Variants in SMG1 observed in about 807,000 individuals in gnomAD.
The protein encoded by SMG1 is SMG1 nonsense mediated mRNA decay associated PI3K related kinase.
A neutral mutation model predicts 419.9 loss-of-function variants in SMG1; 22 were observed. The observed-to-expected ratio is 0.05, with a 90% confidence interval of 0.04 to 0.07. The LOEUF (loss-of-function observed/expected upper bound fraction) is 0.07. SMG1 is among the 10% of genes least tolerant of loss of function. SMG1 has a pLI of 1.00. For synonymous variants in SMG1, 1,538 were observed against 1,553.5 expected (o/e 0.99, Z 0.23); for missense variants, 3,185 against 4,342.0 (o/e 0.73, Z 7.49).
chr16:18,892,952 G>C (rs1596611463), intron 3 of SMG1, among the ~76,000 whole-genome samples: 1 of 151,790 alleles, frequency 6.6e-6, no homozygotes, highest in Non-Finnish European at 1.5e-5. Flanking sequence ...AGAGAAAAAA[G>C]AAAGGCCTTA....
chr16:18,923,324 A>G (rs540463127), intron 1 of SMG1, among the ~76,000 whole-genome samples: 49 of 152,300 alleles, frequency 3.2e-4, no homozygotes, highest in African/African-American at 1.0e-3. Context: ...CTAACACTAA[A>G]AGAAATCAAC....
intron 13 of SMG1, among the ~76,000 whole-genome samples, chr16:18,873,705 G>T (rs1433525215): frequency 6.6e-6 from 1 of 152,216 alleles, no homozygotes; most frequent in African/African-American, 2.4e-5. Context: ...TGTGCCTTTT[G>T]CGGAAGTAGA....
intron 1 of SMG1, among the ~76,000 whole-genome samples, chr16:18,921,602 G>T (rs947598502): frequency 2.2e-4 from 34 of 151,852 alleles, no homozygotes; most frequent in Middle Eastern, 6.8e-3. Flanking sequence ...TGCCAAAACC[G>T]CAATTACTTT....
At position 18,809,298 on chromosome 16, in the gene SMG1, G is replaced by A; in HGVS notation, c.*271C>T. ...CTCCCGACACGTCTGCTGCTGTTCT[G>A]TGGCAGAAAGACAATCTCCGTGTTC... On this transcript the variant is annotated 3_prime_UTR_variant, in exon 63 of 63. Coordinates refer to ENST00000446231, the MANE Select transcript of SMG1 (RefSeq NM_015092.5). 2.2e-6 allele frequency: 1 copy of A among 446,972 alleles called. No homozygotes were observed. The highest frequency in any genetic ancestry group is 4.2e-6 in the Non-Finnish European group (1 of 235,538). The allele number at this position is 446,972 out of a possible 1,614,324, so 27.7% of individuals were successfully genotyped here. A position where few individuals can be genotyped will look rare whatever the true frequency, so the allele number is the denominator to read the frequency against.
intron 36 of SMG1, 124 bp from the exon 37 acceptor site, chr16:18,848,157 G>A (rs1324589889): frequency 1.7e-5 from 13 of 743,356 alleles, no homozygotes; most frequent in Non-Finnish European, 2.4e-5. Context: ...TTGCCTTCCA[G>A]GCATAGAACT....
chr16:18,838,158 C>A lies in SMG1; in HGVS notation c.7269G>T (p.Val2423=). The change falls in exon 45 of 63, where the codon GTG becomes GTT. Residue 2423 remains valine (V), a synonymous_variant. Coordinates refer to ENST00000446231, the MANE Select transcript of SMG1 (RefSeq NM_015092.5). ...LLEAFVYDPL[V]DWTAGGEAGF... The stretch of plus-strand genomic sequence containing the variant: ...CAGCCTCGCCTCCTGCTGTCCAGTC[C>A]ACCAGAGGGTCGTACACAAAGGCCT... The A allele has an allele frequency of 6.2e-7, 1 of 1,613,504 alleles. No homozygotes were observed. Among genetic ancestry groups the A allele is most frequent in the Non-Finnish European group, 8.5e-7 (1 of 1,179,658 alleles).
rs1316427113 is a variant in SMG1, at chr16:18,866,729, C to T, written c.3242G>A (p.Cys1081Tyr). 1 of 1,597,224 alleles carries T rather than the reference C, an allele frequency of 6.3e-7. No individual in the cohort carries two copies. The highest frequency in any genetic ancestry group is 8.5e-7 in the Non-Finnish European group (1 of 1,179,488). The change falls in exon 23 of 63, where the codon TGT becomes TAT. Residue 1081 changes from cysteine to tyrosine, a missense_variant. Cys to Tyr is a radical substitution (Grantham distance 194). Coordinates refer to ENST00000446231, the MANE Select transcript of SMG1 (RefSeq NM_015092.5). The stretch of plus-strand genomic sequence containing the variant: ...TATAGCTTCAGGACAATGAAGTTCA[C>T]ATAATGCTTCTACCACCATCATAAT... ...VTIMMVVEAL[C>Y]ELHCPEAIQG...
At position 18,837,120 on chromosome 16, in the gene SMG1, G is replaced by C. The variant is rs1402983348; in HGVS notation, c.7604+133C>G. The stretch of plus-strand genomic sequence containing the variant: ...AATTTTTGTTTACTAACACTTTGAA[G>C]TTGCAGTCACTGAGACAGCTTTTAT... On this transcript the variant is annotated intron_variant, in intron 46 of 62. Transcript: ENST00000446231. 3.8e-6 allele frequency: 3 copies of C among 796,562 alleles called. No individual in the cohort carries two copies. The African/African-American group carries it at 5.3e-5, about 14-fold the overall frequency. The allele number at this position is 796,562 out of a possible 1,614,324, so 49.3% of individuals were successfully genotyped here.
chr16:18,817,773 G>A (rs1426103980), intron 56 of SMG1, among the ~76,000 whole-genome samples: 1 of 152,178 alleles, frequency 6.6e-6, no homozygotes, highest in East Asian at 1.9e-4. Context: ...ATATTCAGCT[G>A]CAATTTGTGT....
intron 9 of SMG1, among the ~76,000 whole-genome samples, chr16:18,882,757 A>T (rs1437955123): frequency 6.6e-6 from 1 of 152,216 alleles, no homozygotes; most frequent in Admixed American, 6.5e-5. Context: ...GAGCATGCAC[A>T]TGAAGAGCAA....
chr16:18,897,461 T>C (rs1231140072), intron 1 of SMG1, among the ~76,000 whole-genome samples: 4 of 152,216 alleles, frequency 2.6e-5, no homozygotes, highest in South Asian at 2.1e-4. Context: ...AAGTACTGAT[T>C]AGGTACTGTA....
In SMG1 at chr16:18,858,208, T is replaced by G; in HGVS notation, c.4196A>C (p.Tyr1399Ser). 1 of 1,598,090 alleles carries G rather than the reference T, an allele frequency of 6.3e-7. No individual in the cohort carries two copies. Among genetic ancestry groups the G allele is most frequent in the South Asian group, 1.1e-5 (1 of 88,364 alleles). Residue 1399 changes from tyrosine to serine, a missense_variant, in exon 29 of 63, where the codon TAT (tyrosine) becomes TCT (serine). Physicochemically the swap from Tyr to Ser is moderately radical, Grantham distance 144. Coordinates refer to ENST00000446231, the MANE Select transcript of SMG1 (RefSeq NM_015092.5). Reference protein sequence around the residue: ...DVRPWMQALRYTMYQNQLLEK... With the variant: ...DVRPWMQALRSTMYQNQLLEK... ...CAACAACTGATTCTGGTACATAGTA[T>G]ACCTTAATGCCTGCATCCATGGCCT... is the stretch of plus-strand genomic sequence containing the variant.
chr16:18,903,276 A>T (rs2037418864), intron 1 of SMG1, among the ~76,000 whole-genome samples: 1 of 152,236 alleles, frequency 6.6e-6, no homozygotes, highest in African/African-American at 2.4e-5. Context: ...CAGTAACTCC[A>T]GGAGGGCAGT....
chr16:18,882,046 A>G (rs1226975240), intron 10 of SMG1, 119 bp downstream of exon 10: 30 of 628,530 alleles, frequency 4.8e-5, no homozygotes, highest in Non-Finnish European at 3.9e-5. Flanking sequence ...ATATATACAT[A>G]CATACATACA....
intron 40 of SMG1, 129 bp from the exon 41 acceptor site, chr16:18,841,923 G>T: frequency 2.5e-6 from 2 of 815,250 alleles, no homozygotes; most frequent in East Asian, 2.4e-5. Flanking sequence ...GAGCATTAAA[G>T]AATTCTATTT....
chr16:18,866,663 T>C lies in SMG1; in HGVS notation c.3308A>G (p.Asn1103Ser), dbSNP rs1429678203. The C allele has an allele frequency of 6.3e-7, 1 of 1,595,180 alleles. No individual in the cohort carries two copies. Among genetic ancestry groups the C allele is most frequent in the Non-Finnish European group, 8.5e-7 (1 of 1,177,762 alleles). Residue 1103 changes from asparagine to serine, a missense_variant, in exon 23 of 63, where the codon AAT (asparagine) becomes AGT (serine). Transcript: ENST00000446231. The part of the protein sequence containing the change: ...AVWSSSIVGK[N>S]LLWINSVAQQ... ...AGCCACTGAGTTAATCCACAGAAGA[T>C]TTTTTCCAACAATAGATGATGACCA... is the stretch of plus-strand genomic sequence containing the variant.
Position 18,807,992 on chromosome 16 carries a change from A to C in SMG1, c.*1577T>G, listed in dbSNP as rs1018145168. Reference sequence around the variant, plus strand: ...TAGCCAGGATGGTCTCGCTCTCCTAACCTCATGATCCGCCCGCCTCGGCCT... The same window carrying C: ...TAGCCAGGATGGTCTCGCTCTCCTACCCTCATGATCCGCCCGCCTCGGCCT... On this transcript the variant is annotated 3_prime_UTR_variant, in exon 63 of 63. Coordinates refer to ENST00000446231, the MANE Select transcript of SMG1 (RefSeq NM_015092.5). The C allele has an allele frequency of 6.6e-6, 1 of 152,106 alleles. No individual in the cohort carries two copies. The highest frequency in any genetic ancestry group is 2.1e-4 in the South Asian group (1 of 4,820). 9.4% of individuals were successfully genotyped at this position (152,106 alleles called of 1,614,324 possible).
At chr16:18,900,305 T>C (rs986930609) in intron 1 of SMG1, among the ~76,000 whole-genome samples, 2 of 152,194 alleles carry the variant, frequency 1.3e-5, no homozygotes, top group East Asian at 1.9e-4. Flanking sequence ...CATGCAAATA[T>C]AGTTACCACT....
rs993114186 is a variant in SMG1 at position 18,841,544 on chromosome 16, T to C, written c.6696+21A>G. The C allele has an allele frequency of 2.5e-6, 4 of 1,600,382 alleles. No individual in the cohort carries two copies. In the African/African-American group the frequency reaches 4.0e-5, roughly 16 times the overall value. ...AATAACAGAGAATAGACTAATACACTGTGTAGATGATTTAATCAACCTTTT... is the reference window on the plus strand; with the variant it reads ...AATAACAGAGAATAGACTAATACACCGTGTAGATGATTTAATCAACCTTTT... On this transcript the variant is annotated intron_variant, in intron 41 of 62. Coordinates refer to ENST00000446231, the MANE Select transcript of SMG1 (RefSeq NM_015092.5).
Sources: allele counts gnomAD v4.1 joint callset (sites outside exome capture counted in the v4.1 genomes callset), GRCh38; gene constraint gnomAD v4.1.1; transcripts MANE v1.5; gene names NCBI Gene and HGNC (gene_info 2026-07-23, HGNC 2026-07-21).